TRPM1: variants seen among roughly 807,000 people sequenced by gnomAD.
The protein encoded by TRPM1 is transient receptor potential cation channel subfamily M member 1.
A neutral mutation model predicts 149.4 loss-of-function variants in TRPM1; 113 were observed. That is an observed-to-expected ratio of 0.76 (90% CI 0.65 to 0.88). The LOEUF is 0.88. Ranked by LOEUF, TRPM1 falls within the 40% of genes least tolerant of loss-of-function variation. TRPM1 has a pLI of 0.00. For synonymous variants in TRPM1, 741 were observed against 759.5 expected, an observed-to-expected ratio of 0.98 and a Z score of 0.40; for missense variants, 1,976 against 2,038.7, an observed-to-expected ratio of 0.97 and a Z score of 0.59.
Position 31,130,475 on chromosome 15 carries a change from AG to A in TRPM1, c.54+30430del, listed in dbSNP as rs1364739617. 2.0e-5 allele frequency among the ~76,000 whole-genome samples: 3 copies of A among 152,234 alleles called. No individual in the cohort carries two copies. The East Asian group carries it at 5.8e-4, about 29-fold the overall frequency. ...TCGAAAACAAATCCTCTTCTTCCCT[AG>A]GGACCAATCTGCCTTCGTAGGACTA... On this transcript the variant is annotated intron_variant, in intron 1 of 26. Coordinates refer to the TRPM1 transcript ENST00000542188.
intron 1 of TRPM1, among the ~76,000 whole-genome samples, chr15:31,124,654 C>CAAAAAAAA (rs57964365): frequency 1.2e-5 from 1 of 86,416 alleles, no homozygotes; most frequent in African/African-American, 4.1e-5. Context: ...GACTCTGTCT[C>CAAAAAAAA]AAAAAAAAAA....
chr15:31,071,013 C>T (rs1022293518), intron 3 of TRPM1, among the ~76,000 whole-genome samples: 7 of 152,204 alleles, frequency 4.6e-5, no homozygotes, highest in Non-Finnish European at 8.8e-5. Flanking sequence ...TCTAGCTCTA[C>T]AGCATCTCTC....
At chr15:31,015,509 C>T (rs2032329588) in intron 27 of TRPM1, among the ~76,000 whole-genome samples, 2 of 152,126 alleles carry the variant, frequency 1.3e-5, no homozygotes, top group Middle Eastern at 6.8e-3. Flanking sequence ...TTATAAGGAA[C>T]AGCCTCTTTG....
intron 1 of TRPM1, among the ~76,000 whole-genome samples, chr15:31,120,997 G>A (rs1424995311): frequency 1.3e-5 from 2 of 152,112 alleles, no homozygotes; most frequent in Non-Finnish European, 1.5e-5. Flanking sequence ...GGGAGGTCAA[G>A]GTGGGCAGAT....
chr15:31,135,533 A>C (rs1250082954), intron 1 of TRPM1, among the ~76,000 whole-genome samples: 1 of 152,222 alleles, frequency 6.6e-6, no homozygotes, highest in African/African-American at 2.4e-5. Context: ...TAAATCTACT[A>C]AGTTTGTAGG....
intron 7 of TRPM1, among the ~76,000 whole-genome samples, chr15:31,064,630 T>C (rs3784597): frequency 0.038 from 5,737 of 152,282 alleles, 159 homozygotes; most frequent in Admixed American, 0.078. Context: ...GGAAGTATCG[T>C]TGGTCTCAGC....
upstream of TRPM1, among the ~76,000 whole-genome samples, chr15:31,104,649 A>G (rs1052535026): frequency 3.9e-5 from 5 of 128,488 alleles, no homozygotes; most frequent in East Asian, 2.3e-4. Flanking sequence ...GCTGGAGTGC[A>G]GTGGCGCCAT....
intron 1 of TRPM1, among the ~76,000 whole-genome samples, chr15:31,113,787 G>C (rs982946033): frequency 6.6e-6 from 1 of 152,132 alleles, no homozygotes; most frequent in African/African-American, 2.4e-5. Context: ...TCTTAAAGGT[G>C]GCAAGGACCC....
intron 1 of TRPM1, among the ~76,000 whole-genome samples, chr15:31,082,001 G>A (rs1307554779): frequency 6.6e-6 from 1 of 152,116 alleles, no homozygotes; most frequent in East Asian, 1.9e-4. Flanking sequence ...AGGCTCTGGG[G>A]CTGAACAATG....
Position 31,037,808 on chromosome 15 carries a change from T to A in TRPM1, c.2474A>T (p.Asp825Val), listed in dbSNP as rs2033462819. Residue 825 changes from aspartate to valine, a missense_variant, in exon 20 of 28, where the codon GAT becomes GTT. By Grantham distance (152) the Asp-to-Val change is radical. Transcript: ENST00000256552. ...CTGTTTTTTGTGCTCGTTCTCCTCA[T>A]CCCCCTTTCTTGAGCCAGCATCTGC... ...ANADAGSRKG[D>V]EENEHKKQRS... The A allele has an allele frequency of 6.2e-7, 1 of 1,614,098 alleles. No homozygotes were observed. The highest frequency in any genetic ancestry group is 1.1e-5 in the South Asian group (1 of 91,080).
chr15:31,095,949 G>A (rs748581708), intron 1 of TRPM1, among the ~76,000 whole-genome samples: 1 of 152,030 alleles, frequency 6.6e-6, no homozygotes, highest in African/African-American at 2.4e-5. Flanking sequence ...GGGAGGCTGA[G>A]GTAGGAGAAT....
In TRPM1 at chr15:31,031,002, C is replaced by A. The variant is rs1434224694; in HGVS notation, c.3108G>T (p.Val1036=). 1 of 1,614,062 alleles carries A rather than the reference C, an allele frequency of 6.2e-7. No homozygotes were observed. Among genetic ancestry groups the A allele is most frequent in the African/African-American group, 1.3e-5 (1 of 74,914 alleles). ...TCTTACGGTCTATCTGGTCTGCAAA[C>A]ACCTCTCCATAGATCATCCAGTAGG... ...YMPYWMIYGE[V]FADQIDLYAM... Residue 1036 remains valine, a synonymous_variant, in exon 23 of 28, where the codon GTG becomes GTT. Transcript: ENST00000256552.
At chr15:31,101,776 C>A, upstream of TRPM1, 1 of 956,370 alleles carries the variant, frequency 1.0e-6, no homozygotes, top group Non-Finnish European at 1.2e-6. Context: ...CCATGAGGAG[C>A]ATGTGAGCAC....
At chr15:31,045,446 T>C (rs570204602) in intron 16 of TRPM1, among the ~76,000 whole-genome samples, 5 of 152,346 alleles carry the variant, frequency 3.3e-5, no homozygotes, top group Admixed American at 1.3e-4. Flanking sequence ...TTGCTGATAA[T>C]AATTTCTCCC....
chr15:31,112,651 T>C (rs6493462), intron 1 of TRPM1, among the ~76,000 whole-genome samples: 62,252 of 151,856 alleles, frequency 0.41, 13,353 homozygotes, highest in East Asian at 0.72. Flanking sequence ...GGGTTCCTGA[T>C]TCAGAGATAG....
chr15:31,044,334 A>C (rs530045232), intron 16 of TRPM1, among the ~76,000 whole-genome samples: 1 of 152,366 alleles, frequency 6.6e-6, no homozygotes, highest in Admixed American at 6.5e-5. Context: ...CAGTAGGGAA[A>C]GTATATGGAA....
intron 1 of TRPM1, among the ~76,000 whole-genome samples, chr15:31,089,323 T>G (rs1044468278): frequency 1.2e-4 from 15 of 124,784 alleles, no homozygotes; most frequent in African/African-American, 2.9e-4. Context: ...TTTTTTTGGT[T>G]GTTAACTTTT....
rs569247102 is a variant in TRPM1, at chr15:31,087,273, C to T, written c.-83-5835G>A. ...TTTTTTTTTTTTTTTGAGACGGAGTCTTGCTCTGTGCCCCAGGCTGGAGTG... is the reference window on the plus strand; with the variant it reads ...TTTTTTTTTTTTTTTGAGACGGAGTTTTGCTCTGTGCCCCAGGCTGGAGTG... On this transcript the variant is annotated intron_variant, in intron 1 of 27. Coordinates refer to ENST00000256552, the MANE Select transcript of TRPM1 (RefSeq NM_001252024.2). Among the ~76,000 whole-genome samples, 10 of 96,958 alleles carry T rather than the reference C, an allele frequency of 1.0e-4. No homozygotes were observed. The South Asian group carries it at 2.6e-3, about 25-fold the overall frequency. 63.6% of individuals were successfully genotyped at this position (96,958 alleles called of 152,430 possible).
intron 18 of TRPM1, 91 bp from the exon 19 acceptor site, chr15:31,038,257 T>C (rs1294976103): frequency 6.3e-6 from 9 of 1,431,448 alleles, no homozygotes; most frequent in Admixed American, 3.9e-5. Context: ...CCTTCAACAT[T>C]ATTCAATAAC....
Sources: allele counts gnomAD v4.1 joint callset (sites outside exome capture counted in the v4.1 genomes callset), GRCh38; gene constraint gnomAD v4.1.1; transcripts MANE v1.5; gene names NCBI Gene and HGNC (gene_info 2026-07-23, HGNC 2026-07-21).